Variants in GFI1B observed in about 807,000 individuals in gnomAD.
GFI1B encodes the protein zinc finger protein Gfi-1b.
GFI1B carries 20 observed loss-of-function variants against 35.3 expected under a neutral mutation model. The ratio of observed to expected loss-of-function variants is 0.57; its 90% CI spans 0.40 to 0.82. GFI1B has a LOEUF of 0.82. Among genes scored for constraint, GFI1B ranks in the 40% least tolerant of loss-of-function variants. The pLI is 0.00. For synonymous variants in GFI1B, 178 were observed against 177.6 expected (o/e 1.00, Z -0.02); for missense variants, 430 against 446.3 (o/e 0.96, Z 0.33).
Position 132,989,070 on chromosome 9 carries a change from A to T in GFI1B, c.520A>T (p.Thr174Ser). ...HCVKCNKVFS[T>S]PHGLEVHVRR... The stretch of plus-strand genomic sequence containing the variant: ...CTGCCCCTGCTCCCAGGTCTTCTCC[A>T]CCCCTCACGGGCTCGAAGTGCATGT... The change falls in exon 5 of 7, where the codon ACC becomes TCC. Residue 174 changes from threonine (T) to serine (S), a missense_variant. Thr to Ser is a moderately conservative substitution (Grantham distance 58). Transcript: ENST00000372122. This position sits in a 1 kb window ranked among gnomAD's most constrained non-coding sequence, Gnocchi z 6.2. The T allele has an allele frequency of 6.2e-7, 1 of 1,613,780 alleles. No homozygotes were observed.
Position 132,988,179 on chromosome 9 carries a change from G to A in GFI1B, c.239-18G>A. ...TGTGTTTAAATGAGTAACCAGGCCT[G>A]TGTCGTTATCTCCACAGAGGGCCCC... is the stretch of plus-strand genomic sequence containing the variant. On this transcript the variant is annotated intron_variant, in intron 3 of 6. Coordinates refer to ENST00000372122, the MANE Select transcript of GFI1B (RefSeq NM_001377304.1). 1 of 1,612,950 alleles carries A rather than the reference G, an allele frequency of 6.2e-7. No individual in the cohort carries two copies. The highest frequency in any genetic ancestry group is 1.1e-5 in the South Asian group (1 of 91,054).
At chr9:132,962,078 A>ACG (rs1848374357) in intron 1 of GFI1B, among the ~76,000 whole-genome samples, 2 of 149,434 alleles carry the variant, frequency 1.3e-5, no homozygotes, top group African/African-American at 2.5e-5. Flanking sequence ...ACACACACAC[A>ACG]CACACACACA....
intron 1 of GFI1B, among the ~76,000 whole-genome samples, chr9:132,955,842 T>TGTGTG (rs1848276717): frequency 1.1e-5 from 1 of 89,948 alleles, no homozygotes; most frequent in Admixed American, 1.1e-4. Flanking sequence ...GTGTGTGTGT[T>TGTGTG]TAAGGAATTG....
intron 1 of GFI1B, among the ~76,000 whole-genome samples, chr9:132,964,360 T>A (rs1848416375): frequency 6.6e-6 from 1 of 152,190 alleles, no homozygotes; most frequent in African/African-American, 2.4e-5. Context: ...ATGCAATCTA[T>A]GCATATAACA....
Position 132,986,735 on chromosome 9 carries a change from T to A in GFI1B, c.57T>A (p.Arg19=). Reference sequence around the variant, plus strand: ...AGGCTCACACCTACCACCAGCCCCGTGTGCAGGAAGATGAACCGCTCTGGC... The same window carrying A: ...AGGCTCACACCTACCACCAGCCCCGAGTGCAGGAAGATGAACCGCTCTGGC... ...SKKAHTYHQP[R]VQEDEPLWPP... Residue 19 remains arginine, a synonymous_variant, in exon 2 of 7, where the codon CGT becomes CGA. Transcript: ENST00000372122. 6.2e-7 allele frequency: 1 copy of A among 1,613,184 alleles called. No homozygotes were observed. Among genetic ancestry groups the A allele is most frequent in the East Asian group, 2.2e-5 (1 of 44,866 alleles).
At chr9:132,954,365 A>G (rs1244192272) in intron 1 of GFI1B, among the ~76,000 whole-genome samples, 1 of 152,140 alleles carries the variant, frequency 6.6e-6, no homozygotes, top group East Asian at 1.9e-4. Context: ...GCTTAAGGTC[A>G]GGAGTTGGAG....
At chr9:132,966,489 T>C (rs1449686187) in intron 1 of GFI1B, among the ~76,000 whole-genome samples, 1 of 152,220 alleles carries the variant, frequency 6.6e-6, no homozygotes, top group Non-Finnish European at 1.5e-5. Context: ...TTTTTAGAAC[T>C]GTGGTTCATC....
At chr9:132,983,427 T>C (rs1026034101) in intron 1 of GFI1B, among the ~76,000 whole-genome samples, 1 of 151,946 alleles carries the variant, frequency 6.6e-6, no homozygotes, top group South Asian at 2.1e-4. Flanking sequence ...GAACTCCTGA[T>C]CTTGTGATCC....
chr9:132,989,100 C>T lies in GFI1B; in HGVS notation c.550C>T (p.Arg184Cys), dbSNP rs771408008. Residue 184 changes from arginine to cysteine, a missense_variant, in exon 5 of 7, where the codon CGC becomes TGC. Physicochemically the swap from Arg to Cys is radical, Grantham distance 180 (BLOSUM62 -3). Coordinates refer to ENST00000372122, the MANE Select transcript of GFI1B (RefSeq NM_001377304.1). The surrounding 1 kb of genome is among the most constrained non-coding windows in gnomAD (Gnocchi z 6.2). Reference protein sequence around the residue: ...TPHGLEVHVRRSHSGTRPFAC... With the variant: ...TPHGLEVHVRCSHSGTRPFAC... ...TCACGGGCTCGAAGTGCATGTGCGA[C>T]GCTCCCATAGTGGGACCCGGCCCTT... 35 of 1,613,790 alleles carry T rather than the reference C, an allele frequency of 2.2e-5. No homozygotes were observed. Among genetic ancestry groups the T allele is most frequent in the African/African-American group, 1.5e-4 (11 of 74,930 alleles).
At position 132,980,895 on chromosome 9, in the gene GFI1B, T is replaced by TTTTGTTTGTTTG. The variant is rs112055013; in HGVS notation, c.-21+2067_-21+2078dup. ...TGTTCAATCATATGTCTAGACCACA[T>TTTTGTTTGTTTG]TTTGTTTGTTTGTTTGTTTGTTTGA... On this transcript the variant is annotated intron_variant, in intron 1 of 6. Transcript: ENST00000372122. Among the ~76,000 whole-genome samples the TTTTGTTTGTTTG allele has an allele frequency of 2.2e-4, 33 of 151,644 alleles. 1 individual carries two copies. Among genetic ancestry groups the TTTTGTTTGTTTG allele is most frequent in the East Asian group, 2.2e-3 (11 of 5,092 alleles).
At chr9:132,958,637 G>A (rs937598544) in intron 1 of GFI1B, among the ~76,000 whole-genome samples, 1 of 152,156 alleles carries the variant, frequency 6.6e-6, no homozygotes, top group African/African-American at 2.4e-5. Context: ...TCCAATATTG[G>A]GGATTACATG....
chr9:132,956,745 C>T (rs1350880718), intron 1 of GFI1B, among the ~76,000 whole-genome samples: 1 of 152,164 alleles, frequency 6.6e-6, no homozygotes, highest in Non-Finnish European at 1.5e-5. Context: ...GGAACAACAC[C>T]ACCTATTATC....
Position 132,986,900 on chromosome 9 carries a change from C to T in GFI1B, c.100+122C>T, listed in dbSNP as rs1320665323. ...TCTTCCAAGTCTGGAAACAGGAGTG[C>T]AGTAACTGTGGGTTGCAGATGAAAG... is the stretch of plus-strand genomic sequence containing the variant. On this transcript the variant is annotated intron_variant, in intron 2 of 6. Transcript: ENST00000372122. The T allele has an allele frequency of 3.6e-5, 25 of 690,876 alleles. 1 individual carries two copies. The highest frequency in any genetic ancestry group is 3.3e-4 in the South Asian group (21 of 63,800). 42.8% of individuals were successfully genotyped at this position (690,876 alleles called of 1,614,324 possible).
In GFI1B at chr9:132,989,187, G is replaced by A. The variant is rs145867669; in HGVS notation, c.637G>A (p.Val213Ile). The change falls in exon 5 of 7, where the codon GTC (valine) becomes ATC (isoleucine). Residue 213 changes from valine to isoleucine, a missense_variant. Val to Ile is a conservative substitution (Grantham distance 29). Coordinates refer to ENST00000372122, the MANE Select transcript of GFI1B (RefSeq NM_001377304.1). The surrounding 1 kb of genome is among the most constrained non-coding windows in gnomAD (Gnocchi z 6.2). ...HAVSLEQHTH[V>I]HSQERSFECR... is the part of the protein sequence containing the mutation. ...TGTGAGCCTGGAGCAGCACACGCACGTCCACTCCCAGGTGGGCACCTGGCC... is the reference window on the plus strand; with the variant it reads ...TGTGAGCCTGGAGCAGCACACGCACATCCACTCCCAGGTGGGCACCTGGCC... 45 of 1,613,180 alleles carry A rather than the reference G, an allele frequency of 2.8e-5. No homozygotes were observed. Among genetic ancestry groups the A allele is most frequent in the African/African-American group, 2.7e-4 (20 of 75,020 alleles).
chr9:132,968,600 T>C (rs1193841386), intron 1 of GFI1B, among the ~76,000 whole-genome samples: 1 of 152,204 alleles, frequency 6.6e-6, no homozygotes, highest in Non-Finnish European at 1.5e-5. Context: ...TTTTATATAA[T>C]ATAAATGTTT....
intron 1 of GFI1B, among the ~76,000 whole-genome samples, chr9:132,982,030 G>A (rs911497976): frequency 2.0e-5 from 3 of 152,226 alleles, no homozygotes; most frequent in Non-Finnish European, 4.4e-5. Flanking sequence ...TGGGATTACA[G>A]GCGTGAGCCA....
intron 1 of GFI1B, among the ~76,000 whole-genome samples, chr9:132,965,645 A>G (rs1033121261): frequency 6.6e-6 from 1 of 152,234 alleles, no homozygotes; most frequent in African/African-American, 2.4e-5. Context: ...ATGAAGGCAG[A>G]GGCAGAGATT....
chr9:132,965,632 C>G (rs1407346033), intron 1 of GFI1B, among the ~76,000 whole-genome samples: 1 of 152,142 alleles, frequency 6.6e-6, no homozygotes, highest in Non-Finnish European at 1.5e-5. Context: ...AGTGGGAGGC[C>G]CCATGAAGGC....
intron 1 of GFI1B, among the ~76,000 whole-genome samples, chr9:132,955,059 A>G (rs906386721): frequency 3.3e-5 from 5 of 152,156 alleles, no homozygotes; most frequent in Admixed American, 1.3e-4. Context: ...AAAATATTTT[A>G]TATTTGCCCA....
Sources: gnomAD v4.1 joint callset for allele counts (sites outside exome capture counted in the v4.1 genomes callset) on GRCh38, gnomAD v4.1.1 for gene constraint, Gnocchi (gnomAD v3.1) non-coding constraint, MANE v1.5 for transcripts, NCBI Gene and HGNC (gene_info 2026-07-23, HGNC 2026-07-21) for gene names.